The following DDX3X variants were observed in gnomAD, a reference collection of about 807,000 sequenced individuals.
DDX3X encodes DEAD-box helicase 3 X-linked, also known as ATP-dependent RNA helicase DDX3X.
DDX3X carries 4 observed loss-of-function variants against 52.7 expected under a neutral mutation model. The observed-to-expected ratio is 0.08, with a 90% CI of 0.04 to 0.17. DDX3X has a LOEUF of 0.17. Among genes scored for constraint, DDX3X ranks in the 10% least tolerant of loss-of-function variants. The pLI is 1.00. For synonymous variants in DDX3X, 192 were observed against 178.1 expected (o/e 1.08, Z -0.62); for missense variants, 222 against 548.6 (o/e 0.40, Z 5.95).
At chrX:41,337,243 G>C (rs778508636) in intron 1 of DDX3X, among the ~76,000 whole-genome samples, 165 bp from the exon 2 acceptor site, 1 of 112,510 alleles carries the variant, frequency 8.9e-6, no homozygotes, top group Non-Finnish European at 1.9e-5. Context: ...TTGCAGACTT[G>C]AAAACATTCT....
Position 41,345,388 on chromosome X carries a change from A to C in DDX3X, c.1171-16A>C. 8.4e-7 allele frequency: 1 copy of C among 1,195,039 alleles called. No individual in the cohort carries two copies. The highest frequency in any genetic ancestry group is 1.8e-5 in the African/African-American group (1 of 56,330). On this transcript the variant is annotated splice_polypyrimidine_tract_variant and intron_variant, in intron 11 of 16. Transcript: ENST00000644876. ...TTGTTTATCTCAGGTAATAATAAAA[A>C]TTTTTTTTCTTTCAGATGCTGGCTC...
intron 2 of DDX3X, chrX:41,338,324 T>C (rs1002538891): frequency 6.2e-5 from 7 of 112,035 alleles, no homozygotes; most frequent in African/African-American, 2.3e-4. Flanking sequence ...TTTCACCTTA[T>C]TTGTCATGCT....
At chrX:41,342,901 T>C in intron 6 of DDX3X, 65 bp downstream of exon 6, 1 of 938,500 alleles carries the variant, frequency 1.1e-6, no homozygotes, top group South Asian at 2.0e-5. Flanking sequence ...TACATTAGAA[T>C]GTGAGATGGG....
rs2063842706 is a variant in DDX3X, at chrX:41,341,035, GAGTGC to G, written c.152-444_152-440del. On this transcript the variant is annotated intron_variant, in intron 3 of 16. Coordinates refer to ENST00000644876, the MANE Select transcript of DDX3X (RefSeq NM_001356.5). ...TGTTTCACTCTTGTTTCCCGTGCTG[GAGTGC>G]AGTGGCGCAATCTTGGCTCACTGCA... 3 of 216,944 alleles carry G rather than the reference GAGTGC, an allele frequency of 1.4e-5. No individual in the cohort carries two copies. The East Asian group carries it at 2.1e-4, about 15-fold the overall frequency. The allele number at this position is 216,944 out of a possible 1,213,427, so 17.9% of individuals were successfully genotyped here.
At chrX:41,356,007 T>C (rs191569988) in intron 5 of DDX3X, among the ~76,000 whole-genome samples, 119 of 111,405 alleles carry the variant, frequency 1.1e-3, no homozygotes, top group African/African-American at 3.8e-3. Context: ...TAAGTACAAG[T>C]CTTTTTGACA....
chrX:41,357,260 T>C (rs1011405047), intron 5 of DDX3X, among the ~76,000 whole-genome samples: 2 of 109,902 alleles, frequency 1.8e-5, no homozygotes, highest in Non-Finnish European at 3.8e-5. Context: ...ATATAATAAG[T>C]CTTAACGTTG....
intron 7 of DDX3X, 39 bp downstream of exon 7, chrX:41,343,390 C>T: frequency 1.8e-6 from 2 of 1,134,035 alleles, no homozygotes; most frequent in South Asian, 2.1e-5. Flanking sequence ...CATATTTCTT[C>T]TGTAAAGGAC....
chrX:41,343,951 T>G, intron 8 of DDX3X, 79 bp from the exon 9 acceptor site: 1 of 1,011,062 alleles, frequency 9.9e-7, no homozygotes, highest in Non-Finnish European at 1.4e-6. Flanking sequence ...AATCTATAAA[T>G]TACAAAAGGG....
intron 2 of DDX3X, 132 bp from the exon 3 acceptor site, chrX:41,338,902 TCA>T (rs1348577381): frequency 1.8e-5 from 4 of 221,966 alleles, no homozygotes; most frequent in African/African-American, 1.2e-4. Context: ...TTCCCCCCTC[TCA>T]GTGTCCAGGT....
Position 41,345,262 on chromosome X carries a change from A to G in DDX3X, c.1108A>G (p.Met370Val). 1 of 1,210,823 alleles carries G rather than the reference A, an allele frequency of 8.3e-7. No homozygotes were observed. The highest frequency in any genetic ancestry group is 1.1e-6 in the Non-Finnish European group (1 of 894,648). The change falls in exon 11 of 17, where the codon ATG becomes GTG. Residue 370 changes from methionine (M) to valine (V), a missense_variant. This residue lies in a region of DDX3X where 73 missense variants were observed against 301.4 expected (regional missense o/e 0.24). Coordinates refer to ENST00000644876, the MANE Select transcript of DDX3X (RefSeq NM_001356.5). ...QIRRIVEQDT[M>V]PPKGVRHTMM... is the part of the protein sequence containing the mutation. ...TCGTAGAATAGTCGAACAAGATACT[A>G]TGCCTCCAAAGGGTGTCCGCCACAC...
chrX:41,350,995 C>T (rs2063981113), downstream of DDX3X: 1 of 111,796 alleles, frequency 8.9e-6, no homozygotes, highest in African/African-American at 3.3e-5. Flanking sequence ...GTCATGAACT[C>T]AAAATAAGCA....
chrX:41,346,551 A>G lies in DDX3X; in HGVS notation c.1544A>G (p.Asn515Ser), dbSNP rs1311231381. ...LDISNVKHVI[N>S]FDLPSDIEEY... ...ATTTCAAATGTGAAACATGTTATCA[A>G]TTTTGACTTGCCAAGTGATATTGAA... The change falls in exon 14 of 17, where the codon AAT becomes AGT. Residue 515 changes from asparagine (N) to serine (S), a missense_variant. Physicochemically the swap from Asn to Ser is conservative, Grantham distance 46. Transcript: ENST00000644876. 1 of 1,209,865 alleles carries G rather than the reference A, an allele frequency of 8.3e-7. No homozygotes were observed. The highest frequency in any genetic ancestry group is 1.1e-6 in the Non-Finnish European group (1 of 894,989).
At chrX:41,340,219 T>G (rs1348184171) in intron 3 of DDX3X, 1 of 112,254 alleles carries the variant, frequency 8.9e-6, no homozygotes, top group Non-Finnish European at 1.9e-5. Flanking sequence ...GGCATTATAT[T>G]CTTTTTAGGG....
intron 5 of DDX3X, among the ~76,000 whole-genome samples, chrX:41,362,531 A>C (rs932642297): frequency 9.0e-6 from 1 of 111,408 alleles, no homozygotes; most frequent in Non-Finnish European, 1.9e-5. Context: ...GCCGCCTTTC[A>C]ATCCTTAACT....
intron 1 of DDX3X, chrX:41,334,628 G>T (rs1484141840): frequency 9.3e-7 from 1 of 1,079,937 alleles, no homozygotes; most frequent in African/African-American, 1.8e-5. Flanking sequence ...ACCTGGGGGG[G>T]TTTGCGGGAG....
chrX:41,333,835 T>C (rs1459645919), upstream of DDX3X: 1 of 144,154 alleles, frequency 6.9e-6, no homozygotes. Context: ...TTCAGGCGTC[T>C]TAGCCGGTGG....
chrX:41,339,748 T>TA (rs940095866), intron 3 of DDX3X: 2 of 110,790 alleles, frequency 1.8e-5, no homozygotes, highest in African/African-American at 6.6e-5. Flanking sequence ...GGAGGGAAGA[T>TA]ACTGTATAAA....
At chrX:41,339,628 A>C (rs910851138) in intron 3 of DDX3X, 26 of 112,282 alleles carry the variant, frequency 2.3e-4, no homozygotes, top group African/African-American at 8.1e-4. Flanking sequence ...GATAGATGAC[A>C]GCTAGTATAT....
chrX:41,356,765 C>T (rs1190011141), intron 5 of DDX3X, among the ~76,000 whole-genome samples: 1 of 109,527 alleles, frequency 9.1e-6, no homozygotes, highest in Non-Finnish European at 1.9e-5. Context: ...GCCCGGCCGG[C>T]ATCATTCGTC....
Sources: gnomAD v4.1 joint callset for allele counts (sites outside exome capture counted in the v4.1 genomes callset) on GRCh38, gnomAD v4.1.1 for gene constraint, gnomAD v4.1.1 regional missense constraint, MANE v1.5 for transcripts, NCBI Gene and HGNC (gene_info 2026-07-23, HGNC 2026-07-21) for gene names.